LARGE1: variants seen among roughly 807,000 people sequenced by gnomAD.
The protein encoded by LARGE1 is LARGE xylosyl- and glucuronyltransferase 1, also known as xylosyl- and glucuronyltransferase LARGE1.
Under a neutral mutation model 87.6 loss-of-function variants are expected in LARGE1, and 43 were observed. That is an observed-to-expected ratio of 0.49 (90% CI 0.38 to 0.63). The LOEUF (loss-of-function observed/expected upper bound fraction) is 0.63, where lower values mean the gene tolerates loss of function less well. Among genes scored for constraint, LARGE1 ranks in the 30% least tolerant of loss-of-function variants. LARGE1 has a pLI of 0.00. For synonymous variants in LARGE1, 434 were observed against 394.6 expected (o/e 1.10, Z -1.18); for missense variants, 802 against 1,000.2 (o/e 0.80, Z 2.67).
At chr22:33,505,953 C>T (rs1201349920) in intron 6 of LARGE1, among the ~76,000 whole-genome samples, 2 of 152,168 alleles carry the variant, frequency 1.3e-5, no homozygotes, top group East Asian at 3.9e-4. Context: ...AATTATCATG[C>T]CAATCCCTGA....
chr22:33,451,646 C>T lies in LARGE1; in HGVS notation c.788-19381G>A, dbSNP rs1352522913. 2.6e-5 allele frequency among the ~76,000 whole-genome samples: 4 copies of T among 151,658 alleles called. No homozygotes were observed. The South Asian group carries it at 8.3e-4, about 32-fold the overall frequency. The stretch of plus-strand genomic sequence containing the variant: ...TGATCTCGGCTCACTGCAACCTCTG[C>T]CTCCCAGGTTCAAGCGATTTTCCTG... On this transcript the variant is annotated intron_variant, in intron 6 of 14. Coordinates refer to ENST00000397394, the MANE Select transcript of LARGE1 (RefSeq NM_133642.5).
At chr22:33,175,292 TGGAAGGGAAG>T (rs964048940) in intron 11 of LARGE1, among the ~76,000 whole-genome samples, 2 of 151,316 alleles carry the variant, frequency 1.3e-5, no homozygotes, top group African/African-American at 4.9e-5. Flanking sequence ...CTGGCCAGGA[TGGAAGGGAAG>T]GGAAGGGAAG....
the LARGE1 span, among the ~76,000 whole-genome samples, chr22:33,112,614 A>G: frequency 1.1e-4 from 17 of 152,200 alleles, no homozygotes; most frequent in Non-Finnish European, 2.9e-5. Context: ...TAAAAGGTAT[A>G]AATAGTCCTG....
intron 2 of LARGE1, among the ~76,000 whole-genome samples, chr22:33,671,072 G>A (rs970562217): frequency 6.6e-5 from 10 of 152,200 alleles, no homozygotes; most frequent in African/African-American, 2.4e-4. Context: ...CCTGGTCGAA[G>A]TGGGGACCAG....
intron 9 of LARGE1, among the ~76,000 whole-genome samples, chr22:33,376,527 G>A (rs1170985862): frequency 1.3e-5 from 2 of 152,200 alleles, no homozygotes; most frequent in African/African-American, 4.8e-5. Flanking sequence ...ACCAGGACGA[G>A]AGTTGATTGT....
rs574689025 is a variant in LARGE1, at chr22:33,420,955, A to AG, written c.892+11205dup. Among the ~76,000 whole-genome samples the AG allele has an allele frequency of 2.6e-4, 39 of 152,256 alleles. No individual in the cohort carries two copies. The East Asian group carries it at 2.9e-3, about 11-fold the overall frequency. ...GTAATCTCAGCAGTTTGGGAGGCCGAGGGGGGTGAATCACCTGAGGTCAGG... is the reference window on the plus strand; with the variant it reads ...GTAATCTCAGCAGTTTGGGAGGCCGAGGGGGGGTGAATCACCTGAGGTCAGG... On this transcript the variant is annotated intron_variant, in intron 7 of 14. Transcript: ENST00000397394.
At chr22:33,182,910 T>C (rs1923249606) in intron 11 of LARGE1, among the ~76,000 whole-genome samples, 1 of 152,148 alleles carries the variant, frequency 6.6e-6, no homozygotes, top group Admixed American at 6.5e-5. Flanking sequence ...TTAGCAATGA[T>C]TTTTTGGATC....
chr22:33,451,067 T>A (rs183115187), intron 6 of LARGE1, among the ~76,000 whole-genome samples: 2 of 152,352 alleles, frequency 1.3e-5, no homozygotes, highest in Admixed American at 6.5e-5. Flanking sequence ...GAGAGAATTC[T>A]CCCTTAGCAA....
chr22:33,511,830 T>C (rs1340877395), intron 6 of LARGE1, among the ~76,000 whole-genome samples: 1 of 152,238 alleles, frequency 6.6e-6, no homozygotes, highest in East Asian at 1.9e-4. Flanking sequence ...CAGCCTTTCC[T>C]CCTTTGATTC....
At chr22:33,270,165 G>T (rs190325852), downstream of LARGE1, among the ~76,000 whole-genome samples, 5 of 152,226 alleles carry the variant, frequency 3.3e-5, no homozygotes, top group Admixed American at 6.5e-5. Flanking sequence ...TTCTTAAAAG[G>T]AGTTTTGTTA....
At chr22:33,106,776 G>A in the LARGE1 span, among the ~76,000 whole-genome samples, 6 of 152,136 alleles carry the variant, frequency 3.9e-5, no homozygotes, top group African/African-American at 7.2e-5. Flanking sequence ...GATTACAGGC[G>A]TGAGCCACTG....
chr22:33,848,416 C>CA (rs35116031), intron 1 of LARGE1, among the ~76,000 whole-genome samples: 60,657 of 151,666 alleles, frequency 0.4, 12,193 homozygotes, highest in Admixed American at 0.51. Context: ...CTTTGGCCAG[C>CA]CCTCTATTTC....
At chr22:33,215,332 C>G (rs1413854098) in intron 11 of LARGE1, among the ~76,000 whole-genome samples, 2 of 152,114 alleles carry the variant, frequency 1.3e-5, no homozygotes, top group Non-Finnish European at 2.9e-5. Flanking sequence ...AGGGGGAACC[C>G]AAACTAAGAG....
intron 4 of LARGE1, among the ~76,000 whole-genome samples, chr22:33,611,680 T>C (rs1253029801): frequency 2.0e-5 from 3 of 152,144 alleles, no homozygotes; most frequent in African/African-American, 4.8e-5. Context: ...GAAACAATGA[T>C]TGTAGTTTGA....
chr22:33,450,011 A>C (rs376907402), intron 6 of LARGE1, among the ~76,000 whole-genome samples: 125 of 152,024 alleles, frequency 8.2e-4, no homozygotes, highest in African/African-American at 2.7e-3. Context: ...TCTTGGGTTC[A>C]AGTGATTCTA....
chr22:33,441,312 G>C (rs1435836041), intron 6 of LARGE1, among the ~76,000 whole-genome samples: 3 of 152,046 alleles, frequency 2.0e-5, no homozygotes, highest in Non-Finnish European at 4.4e-5. Flanking sequence ...GACCTCAGGT[G>C]ATCCGCCCAC....
intron 7 of LARGE1, among the ~76,000 whole-genome samples, chr22:33,387,131 C>CA (rs1255405455): frequency 1.5e-5 from 2 of 135,470 alleles, no homozygotes; most frequent in Admixed American, 7.1e-5. Context: ...AAACAAAAAA[C>CA]AAAAAAAGGG....
At chr22:33,645,712 T>C (rs2080590275) in intron 3 of LARGE1, among the ~76,000 whole-genome samples, 1 of 152,014 alleles carries the variant, frequency 6.6e-6, no homozygotes, top group African/African-American at 2.4e-5. Flanking sequence ...AGGGCTAATA[T>C]CCAGAATCTA....
At chr22:33,545,799 G>T (rs986900639) in intron 6 of LARGE1, among the ~76,000 whole-genome samples, 1 of 152,180 alleles carries the variant, frequency 6.6e-6, no homozygotes, top group Non-Finnish European at 1.5e-5. Flanking sequence ...GCCCAGGCTG[G>T]TTTCGAACTC....
Sources: allele counts gnomAD v4.1 joint callset (sites outside exome capture counted in the v4.1 genomes callset), GRCh38; gene constraint gnomAD v4.1.1; transcripts MANE v1.5; gene names NCBI Gene and HGNC (gene_info 2026-07-23, HGNC 2026-07-21).